Variants in TPPP observed in about 807,000 individuals in gnomAD.
TPPP encodes tubulin polymerization-promoting protein.
A neutral mutation model predicts 15.5 loss-of-function variants in TPPP; 6 were observed. That is an observed-to-expected ratio of 0.39 (90% CI 0.21 to 0.77). The LOEUF (loss-of-function observed/expected upper bound fraction) is 0.77. Ranked by LOEUF, TPPP falls within the 30% of genes least tolerant of loss-of-function variation. TPPP has a pLI of 0.42. For missense variants in TPPP, 269 were observed against 307.2 expected, an observed-to-expected ratio of 0.88 and a Z score of 0.93; for synonymous variants, 146 against 133.9, an observed-to-expected ratio of 1.09 and a Z score of -0.63.
chr5:683,330 C>T (rs1259740564), intron 1 of TPPP, among the ~76,000 whole-genome samples: 3 of 152,290 alleles, frequency 2.0e-5, no homozygotes, highest in African/African-American at 7.2e-5. Flanking sequence ...CACCAGAACC[C>T]GAGGGCAAGC....
In TPPP at chr5:667,979, G is replaced by T. The variant is rs561854546; in HGVS notation, c.312-1856C>A. 3.5e-5 allele frequency among the ~76,000 whole-genome samples: 2 copies of T among 56,370 alleles called. 1 individual carries two copies. The allele number at this position is 56,370 out of a possible 152,430, so 37.0% of individuals were successfully genotyped here. A position where few individuals can be genotyped will look rare whatever the true frequency, so the allele number is the denominator to read the frequency against. On this transcript the variant is annotated intron_variant, in intron 2 of 3. Transcript: ENST00000360578. ...TCAGGGAAGTGCGGACAAGCACACA[G>T]AGAGGGGGCCGTGTGGGCGCCGTCA...
chr5:676,848 CAG>C (rs776023633), intron 2 of TPPP, among the ~76,000 whole-genome samples: 6 of 147,036 alleles, frequency 4.1e-5, no homozygotes, highest in Non-Finnish European at 8.9e-5. Context: ...ACACACGACA[CAG>C]AAACGCGCAC....
At chr5:683,340 C>T (rs1285141669) in intron 1 of TPPP, among the ~76,000 whole-genome samples, 1 of 152,208 alleles carries the variant, frequency 6.6e-6, no homozygotes, top group Non-Finnish European at 1.5e-5. Context: ...CGAGGGCAAG[C>T]ATTCCTTGGG....
intron 1 of TPPP, among the ~76,000 whole-genome samples, chr5:692,002 C>CA (rs1740890205): frequency 8.1e-6 from 1 of 123,000 alleles, no homozygotes; most frequent in East Asian, 2.8e-4. Context: ...AGCAGCCCCC[C>CA]AACCCCTATC....
At chr5:680,401 C>A (rs1187149563) in intron 1 of TPPP, among the ~76,000 whole-genome samples, 1 of 103,030 alleles carries the variant, frequency 9.7e-6, no homozygotes, top group African/African-American at 5.2e-5. Context: ...GGAGCAAGGC[C>A]ACCTGCAGTG....
rs764359922 is a variant in TPPP at position 662,275 on chromosome 5, C to T, written c.*2827G>A. On this transcript the variant is annotated 3_prime_UTR_variant, in exon 4 of 4. Coordinates refer to ENST00000360578, the MANE Select transcript of TPPP (RefSeq NM_007030.3). The stretch of plus-strand genomic sequence containing the variant: ...TGACAGGGCCTGCTCCCTGCGAGGT[C>T]GGGTGGTGCCCGGGCCGGGCGGAGG... 2.6e-5 allele frequency: 4 copies of T among 152,628 alleles called. No individual in the cohort carries two copies. The highest frequency in any genetic ancestry group is 7.2e-5 in the African/African-American group (3 of 41,446). 9.5% of individuals were successfully genotyped at this position (152,628 alleles called of 1,614,324 possible).
chr5:663,635 CG>C lies in TPPP; in HGVS notation c.*1466del, dbSNP rs1343111392. Reference sequence around the variant, plus strand: ...GGTGCACTCTTGGGAGTCGGGGAGGCGGGTGGTGCTCATGCGTGCCAGTGAG... The same window carrying C: ...GGTGCACTCTTGGGAGTCGGGGAGGCGGTGGTGCTCATGCGTGCCAGTGAG... On this transcript the variant is annotated 3_prime_UTR_variant, in exon 4 of 4. Coordinates refer to ENST00000360578, the MANE Select transcript of TPPP (RefSeq NM_007030.3). 2.0e-5 allele frequency: 2 copies of C among 100,110 alleles called. No individual in the cohort carries two copies. The highest frequency in any genetic ancestry group is 6.3e-5 in the African/African-American group (1 of 15,908). The allele number at this position is 100,110 out of a possible 1,614,324, so 6.2% of individuals were successfully genotyped here.
At chr5:678,591 G>A (rs1346014972) in intron 1 of TPPP, among the ~76,000 whole-genome samples, 4 of 136,678 alleles carry the variant, frequency 2.9e-5, no homozygotes, top group Non-Finnish European at 5.9e-5. Flanking sequence ...CCTCCCCACT[G>A]CAGAGCCTCT....
chr5:697,519 T>G (rs767595157), upstream of TPPP, among the ~76,000 whole-genome samples: 16 of 151,966 alleles, frequency 1.1e-4, no homozygotes, highest in Non-Finnish European at 1.9e-4. Flanking sequence ...GGGAGGAACT[T>G]GTGTCTGCAG....
chr5:686,827 G>A lies in TPPP; in HGVS notation c.-5+6451C>T, dbSNP rs1461319083. On this transcript the variant is annotated intron_variant, in intron 1 of 3. Transcript: ENST00000360578. ...GTGGTGGCATTAACAGAGCCTTTGG[G>A]GGATGAGATTCAGCTATGGGGGCCA... 1.4e-5 allele frequency among the ~76,000 whole-genome samples: 2 copies of A among 143,270 alleles called. 1 individual carries two copies. The highest frequency in any genetic ancestry group is 5.0e-5 in the African/African-American group (2 of 39,728). The allele number at this position is 143,270 out of a possible 152,430, so 94.0% of individuals were successfully genotyped here.
Position 661,787 on chromosome 5 carries a change from C to G in TPPP, c.*3315G>C, listed in dbSNP as rs1481898612. The G allele has an allele frequency of 6.6e-6, 1 of 152,530 alleles. No homozygotes were observed. The highest frequency in any genetic ancestry group is 1.9e-4 in the East Asian group (1 of 5,326). 9.4% of individuals were successfully genotyped at this position (152,530 alleles called of 1,614,324 possible). On this transcript the variant is annotated 3_prime_UTR_variant, in exon 4 of 4. Transcript: ENST00000360578. ...CCTCGTGACTTTATTTTTGCTACCC[C>G]TCCTGGCTAGGTGACAGAGATGGGA...
chr5:681,070 C>G (rs1478914315), intron 1 of TPPP, among the ~76,000 whole-genome samples: 1 of 152,226 alleles, frequency 6.6e-6, no homozygotes, highest in Non-Finnish European at 1.5e-5. Context: ...GTCAGACGGA[C>G]AACGAGCCTG....
At position 664,738 on chromosome 5, in the gene TPPP, G is replaced by A. The variant is rs1386164211; in HGVS notation, c.*364C>T. The A allele has an allele frequency of 2.7e-5, 6 of 224,994 alleles. No individual in the cohort carries two copies. The Admixed American group carries it at 2.7e-4, about 10-fold the overall frequency. The allele number at this position is 224,994 out of a possible 1,614,324, so 13.9% of individuals were successfully genotyped here. A position where few individuals can be genotyped will look rare whatever the true frequency, so the allele number is the denominator to read the frequency against. ...TCAGGGCTCCTGGAAGGTGTCTGCC[G>A]CTCAGGAGGTCAGCACAGCCTCCTG... is the stretch of plus-strand genomic sequence containing the variant. On this transcript the variant is annotated 3_prime_UTR_variant, in exon 4 of 4. Coordinates refer to ENST00000360578, the MANE Select transcript of TPPP (RefSeq NM_007030.3).
chr5:688,552 C>T (rs668076), intron 1 of TPPP, among the ~76,000 whole-genome samples: 2,383 of 149,544 alleles, frequency 0.016, 2 homozygotes, highest in African/African-American at 0.058. Context: ...TCCCGGAACA[C>T]GAAGAGAGGC....
intron 1 of TPPP, among the ~76,000 whole-genome samples, chr5:683,080 A>C (rs964686301): frequency 2.0e-5 from 3 of 150,814 alleles, no homozygotes; most frequent in Non-Finnish European, 2.9e-5. Context: ...GACCTCTGAC[A>C]GCTCCACCTG....
chr5:664,769 A>G lies in TPPP; in HGVS notation c.*333T>C. 3.7e-6 allele frequency: 1 copy of G among 267,114 alleles called. No homozygotes were observed. Among genetic ancestry groups the G allele is most frequent in the Non-Finnish European group, 7.2e-6 (1 of 138,880 alleles). The allele number at this position is 267,114 out of a possible 1,614,324, so 16.5% of individuals were successfully genotyped here. ...GAGGTCAGCACAGCCTCCTGTTGCCATGACAGCCAGCTGCTTTAAAACGCC... is the reference window on the plus strand; with the variant it reads ...GAGGTCAGCACAGCCTCCTGTTGCCGTGACAGCCAGCTGCTTTAAAACGCC... On this transcript the variant is annotated 3_prime_UTR_variant, in exon 4 of 4. Transcript: ENST00000360578.
At chr5:670,687 C>T (rs1382131562) in intron 2 of TPPP, among the ~76,000 whole-genome samples, 5 of 152,172 alleles carry the variant, frequency 3.3e-5, no homozygotes, top group South Asian at 2.1e-4. Flanking sequence ...CCAGTGGTCC[C>T]GTTCCAGCAG....
At chr5:667,283 C>A (rs1248026762) in intron 2 of TPPP, 1 of 152,238 alleles carries the variant, frequency 6.6e-6, no homozygotes, top group East Asian at 1.9e-4. Context: ...GCATGCTGCC[C>A]CCCCGATGTC....
At chr5:678,610 A>G (rs1266867091) in intron 1 of TPPP, among the ~76,000 whole-genome samples, 2 of 135,608 alleles carry the variant, frequency 1.5e-5, no homozygotes, top group Non-Finnish European at 3.0e-5. Context: ...CTGACCTTAG[A>G]TGGAGCTTTA....
Sources: allele counts gnomAD v4.1 joint callset (sites outside exome capture counted in the v4.1 genomes callset), GRCh38; gene constraint gnomAD v4.1.1; transcripts MANE v1.5; gene names NCBI Gene and HGNC (gene_info 2026-07-23, HGNC 2026-07-21).